Variants in GALNTL5 observed in about 807,000 individuals in gnomAD.
GALNTL5 encodes polypeptide N-acetylgalactosaminyltransferase like 5.
GALNTL5 carries 44 observed loss-of-function variants against 51.0 expected under a neutral mutation model. That is an observed-to-expected ratio of 0.86 (90% CI 0.68 to 1.11). The LOEUF (loss-of-function observed/expected upper bound fraction) is 1.11, where lower values mean the gene tolerates loss of function less well. GALNTL5 is among the 50% of genes least tolerant of loss of function. The pLI, the probability that GALNTL5 is intolerant of heterozygous loss-of-function variation, is 0.00. For synonymous variants in GALNTL5, 192 were observed against 182.8 expected (o/e 1.05, Z -0.41); for missense variants, 528 against 531.8 (o/e 0.99, Z 0.07).
At chr7:152,019,542 T>G in intron 8 of GALNTL5, 104 bp from the exon 9 acceptor site, 1 of 1,176,144 alleles carries the variant, frequency 8.5e-7, no homozygotes, top group Non-Finnish European at 1.2e-6. Context: ...AGGGCTTTTT[T>G]AGTTCACATG....
chr7:151,984,504 A>G (rs552828767), intron 4 of GALNTL5, among the ~76,000 whole-genome samples: 228 of 152,246 alleles, frequency 1.5e-3, no homozygotes, highest in African/African-American at 5.2e-3. Flanking sequence ...ACTCTAGGTG[A>G]CTCCTGAATG....
At chr7:151,959,209 T>C (rs1303743448) in intron 1 of GALNTL5, among the ~76,000 whole-genome samples, 2 of 152,084 alleles carry the variant, frequency 1.3e-5, no homozygotes, top group Non-Finnish European at 1.5e-5. Context: ...TTTTGTATAT[T>C]ACATTTGGTT....
chr7:152,010,090 TAC>T (rs2081709683), intron 7 of GALNTL5, among the ~76,000 whole-genome samples: 2 of 152,006 alleles, frequency 1.3e-5, no homozygotes, highest in Admixed American at 1.3e-4. Flanking sequence ...GGTGCTAAAA[TAC>T]AGTGGCACAC....
chr7:152,002,654 T>G, intron 5 of GALNTL5, 60 bp from the exon 6 acceptor site: 2 of 1,573,250 alleles, frequency 1.3e-6, no homozygotes, highest in Non-Finnish European at 1.7e-6. Context: ...GAACTTTGAT[T>G]TGGATTGCCG....
At chr7:151,964,535 G>A (rs565444571) in intron 1 of GALNTL5, among the ~76,000 whole-genome samples, 5 of 152,254 alleles carry the variant, frequency 3.3e-5, no homozygotes, top group South Asian at 2.1e-4. Flanking sequence ...TTTGCCTGCT[G>A]CCATCCATGG....
intron 4 of GALNTL5, among the ~76,000 whole-genome samples, chr7:151,983,387 A>G (rs749506640): frequency 4.6e-5 from 7 of 152,120 alleles, no homozygotes; most frequent in Non-Finnish European, 7.3e-5. Context: ...CATGTTGGTC[A>G]GGCTGGTCTC....
intron 6 of GALNTL5, among the ~76,000 whole-genome samples, chr7:152,004,886 C>T (rs144699566): frequency 6.6e-6 from 1 of 152,186 alleles, no homozygotes; most frequent in Non-Finnish European, 1.5e-5. Context: ...CATGACTTTA[C>T]AGTTGTGAAT....
intron 5 of GALNTL5, among the ~76,000 whole-genome samples, chr7:151,993,128 G>A (rs2081448639): frequency 6.6e-6 from 1 of 151,954 alleles, no homozygotes; most frequent in Non-Finnish European, 1.5e-5. Context: ...TAGCTACTCA[G>A]GAGGCTGAGG....
intron 3 of GALNTL5, among the ~76,000 whole-genome samples, chr7:151,979,615 A>G (rs1247301341): frequency 6.6e-6 from 1 of 151,688 alleles, no homozygotes; most frequent in Non-Finnish European, 1.5e-5. Flanking sequence ...ACCCGCCACC[A>G]CGGCTAATTT....
intron 5 of GALNTL5, among the ~76,000 whole-genome samples, chr7:152,000,404 G>A (rs980937340): frequency 2.0e-5 from 3 of 152,334 alleles, no homozygotes; most frequent in South Asian, 4.1e-4. Flanking sequence ...CACCAGGGAT[G>A]AGAAGGGAGG....
Position 152,002,835 on chromosome 7 carries a change from T to A in GALNTL5, c.780T>A (p.Asp260Glu), listed in dbSNP as rs541995454. ...MVVCPLIDVI[D>E]DRTLEYKPSP... ...TGTGCCCCCTGATAGATGTCATTGA[T>A]GATAGAACTCTGGAGTATAAGCCCT... Residue 260 changes from aspartate (D) to glutamate (E), a missense_variant, in exon 6 of 9, where the codon GAT becomes GAA. By Grantham distance (45) the Asp-to-Glu change is conservative. Transcript: ENST00000392800. The A allele has an allele frequency of 6.2e-7, 1 of 1,614,204 alleles. No individual in the cohort carries two copies. Among genetic ancestry groups the A allele is most frequent in the African/African-American group, 1.3e-5 (1 of 75,044 alleles).
At chr7:151,982,029 A>C (rs942469036) in intron 3 of GALNTL5, among the ~76,000 whole-genome samples, 1 of 152,048 alleles carries the variant, frequency 6.6e-6, no homozygotes, top group Non-Finnish European at 1.5e-5. Context: ...CAACTAAATA[A>C]TATATCTAAA....
rs1387441170 is a variant in GALNTL5, at chr7:152,003,022, A to G, written c.908+59A>G. The stretch of plus-strand genomic sequence containing the variant: ...ATACGTGTATTGAGACCCAGGGGGA[A>G]AAAGCCTCCAGAGATTATTCTTTCA... On this transcript the variant is annotated intron_variant, in intron 6 of 8. Coordinates refer to ENST00000392800, the MANE Select transcript of GALNTL5 (RefSeq NM_145292.4). 1.0e-5 allele frequency: 15 copies of G among 1,445,850 alleles called. No homozygotes were observed. In the East Asian group the frequency reaches 2.1e-4, roughly 20 times the overall value. The allele number at this position is 1,445,850 out of a possible 1,614,324, so 89.6% of individuals were successfully genotyped here.
chr7:151,960,206 C>G (rs2080975049), intron 1 of GALNTL5: 2 of 152,288 alleles, frequency 1.3e-5, no homozygotes, highest in Non-Finnish European at 2.9e-5. Context: ...CAATAGCCAT[C>G]TACCTTGCAA....
chr7:151,979,811 A>G (rs1326898866), intron 3 of GALNTL5, among the ~76,000 whole-genome samples: 2 of 151,710 alleles, frequency 1.3e-5, no homozygotes, highest in Admixed American at 6.6e-5. Context: ...TTTTTGAGAA[A>G]CCCACACACA....
intron 1 of GALNTL5, among the ~76,000 whole-genome samples, chr7:151,966,588 G>T (rs1475396524): frequency 6.6e-6 from 1 of 152,174 alleles, no homozygotes; most frequent in Non-Finnish European, 1.5e-5. Flanking sequence ...TTTTCACTAT[G>T]ACAAACATTA....
chr7:151,962,004 C>CTTT lies in GALNTL5; in HGVS notation c.-39-5190_-39-5188dup, dbSNP rs5888458. 4.6e-4 allele frequency among the ~76,000 whole-genome samples: 60 copies of CTTT among 131,754 alleles called. 1 individual carries two copies. Among genetic ancestry groups the CTTT allele is most frequent in the Admixed American group, 7.1e-4 (9 of 12,690 alleles). The allele number at this position is 131,754 out of a possible 152,430, so 86.4% of individuals were successfully genotyped here. A position where few individuals can be genotyped will look rare whatever the true frequency, so the allele number is the denominator to read the frequency against. On this transcript the variant is annotated intron_variant, in intron 1 of 8. Transcript: ENST00000392800. ...ATCTGTTTCTTATGATAGTTACCTTCTTTTTTTTTTTTTTTTAATGGAGTC... is the reference window on the plus strand; with the variant it reads ...ATCTGTTTCTTATGATAGTTACCTTCTTTTTTTTTTTTTTTTTTTAATGGAGTC...
intron 3 of GALNTL5, among the ~76,000 whole-genome samples, chr7:151,980,205 T>C (rs1258914918): frequency 6.6e-6 from 1 of 152,120 alleles, no homozygotes; most frequent in African/African-American, 2.4e-5. Context: ...TGCCTCAGCC[T>C]CCTGAGAAGC....
chr7:151,995,721 C>G (rs1433135465), intron 5 of GALNTL5, among the ~76,000 whole-genome samples: 2 of 151,282 alleles, frequency 1.3e-5, no homozygotes, highest in African/African-American at 2.4e-5. Flanking sequence ...GCAATTAGGA[C>G]AAATAAATAA....
Sources: gnomAD v4.1 joint callset for allele counts (sites outside exome capture counted in the v4.1 genomes callset) on GRCh38, gnomAD v4.1.1 for gene constraint, MANE v1.5 for transcripts, NCBI Gene and HGNC (gene_info 2026-07-23, HGNC 2026-07-21) for gene names.